Variants in SLC47A2 observed in about 807,000 individuals in gnomAD.
The protein encoded by SLC47A2 is multidrug and toxin extrusion protein 2.
In SLC47A2, 52 loss-of-function variants were observed where a neutral mutation model predicts 67.7. The ratio of observed to expected loss-of-function variants is 0.77; its 90% CI spans 0.61 to 0.97. The LOEUF is 0.97. Ranked by LOEUF, SLC47A2 falls within the 50% of genes least tolerant of loss-of-function variation. The probability of loss-of-function intolerance (pLI) is 0.00; values close to 1 mark genes in which losing one functional copy is unlikely to be tolerated. For missense variants in SLC47A2, 676 were observed against 712.3 expected (o/e 0.95, Z 0.58); for synonymous variants, 278 against 292.9 (o/e 0.95, Z 0.52).
Position 19,704,757 on chromosome 17 carries a change from C to T in SLC47A2, c.910-579G>A, listed in dbSNP as rs570307829. On this transcript the variant is annotated intron_variant, in intron 10 of 16. Coordinates refer to ENST00000433844, the MANE Select transcript of SLC47A2 (RefSeq NM_001099646.3). ...GGAGAGCCCATGGCCCTGCTGGGGA[C>T]GCTGTCACCCAGCTCTGGCCGACTG... The T allele has an allele frequency of 1.3e-4, 181 of 1,433,826 alleles. No homozygotes were observed. The Middle Eastern group carries it at 2.5e-3, about 20-fold the overall frequency. The allele number at this position is 1,433,826 out of a possible 1,614,324, so 88.8% of individuals were successfully genotyped here.
At chr17:19,714,880 C>G in intron 2 of SLC47A2, 91 bp from the exon 3 acceptor site, 1 of 1,565,832 alleles carries the variant, frequency 6.4e-7, no homozygotes, top group Non-Finnish European at 8.8e-7. Flanking sequence ...TCAGGAAATG[C>G]TGCCCAGCAG....
At chr17:19,680,814 T>G (rs1438784606) in intron 15 of SLC47A2, among the ~76,000 whole-genome samples, 1 of 152,192 alleles carries the variant, frequency 6.6e-6, no homozygotes, top group Admixed American at 6.5e-5. Flanking sequence ...CAGATGGGGC[T>G]GTCTAAGGAA....
intron 1 of SLC47A2, chr17:19,716,143 G>A (rs2086259643): frequency 2.4e-6 from 1 of 413,140 alleles, no homozygotes; most frequent in Admixed American, 4.2e-5. Context: ...ATTTGTCCTG[G>A]AGCCATCTTC....
At chr17:19,702,569 C>T (rs780094051) in intron 13 of SLC47A2, 36 bp downstream of exon 13, 2 of 1,611,792 alleles carry the variant, frequency 1.2e-6, no homozygotes, top group South Asian at 1.1e-5. Context: ...AAATCATGTC[C>T]CAGGGAGTCA....
chr17:19,691,122 T>TA (rs376243860), intron 13 of SLC47A2, among the ~76,000 whole-genome samples: 3,476 of 136,482 alleles, frequency 0.025, 66 homozygotes, highest in African/African-American at 0.056. Flanking sequence ...AAACTCCGTC[T>TA]AAAAAAAAAA....
intron 13 of SLC47A2, among the ~76,000 whole-genome samples, chr17:19,683,089 G>A (rs1299553119): frequency 1.7e-4 from 26 of 152,176 alleles, no homozygotes; most frequent in Non-Finnish European, 5.9e-5. Flanking sequence ...AATATGGTAT[G>A]TATATTTCTG....
In SLC47A2 at chr17:19,679,025, G is replaced by A. The variant is rs143744645; in HGVS notation, c.1481-119C>T. 298 of 767,448 alleles carry A rather than the reference G, an allele frequency of 3.9e-4. 1 individual carries two copies. In the African/African-American group the frequency reaches 4.5e-3, roughly 12 times the overall value. The allele number at this position is 767,448 out of a possible 1,614,324, so 47.5% of individuals were successfully genotyped here. ...GTGTTTGTTACACCTCACAAGGGAC[G>A]ATGCCTATACAGTAGAAAAATAACT... On this transcript the variant is annotated intron_variant, in intron 16 of 16. Coordinates refer to ENST00000433844, the MANE Select transcript of SLC47A2 (RefSeq NM_001099646.3).
At chr17:19,702,547 G>A (rs945488860) in intron 13 of SLC47A2, 58 bp downstream of exon 13, 1 of 1,603,530 alleles carries the variant, frequency 6.2e-7, no homozygotes, top group South Asian at 1.1e-5. Flanking sequence ...CCTGGGGAGG[G>A]CACAAGTACA....
rs776482989 is a variant in SLC47A2, at chr17:19,681,589, C to T, written c.1246G>A (p.Gly416Ser). 8 of 1,613,994 alleles carry T rather than the reference C, an allele frequency of 5.0e-6. No homozygotes were observed. The highest frequency in any genetic ancestry group is 5.9e-6 in the Non-Finnish European group (7 of 1,180,038). ...AVNAITYYII[G>S]LPLGILLTFV... Reference sequence around the variant, plus strand: ...GTCAGAAGGATGCCCAGTGGTAGGCCGATGATGTAATATGTGATGGCATTC... The same window carrying T: ...GTCAGAAGGATGCCCAGTGGTAGGCTGATGATGTAATATGTGATGGCATTC... Residue 416 changes from glycine (G) to serine (S), a missense_variant, in exon 14 of 17, where the codon GGC becomes AGC. By Grantham distance (56) the Gly-to-Ser change is moderately conservative. Coordinates refer to ENST00000433844, the MANE Select transcript of SLC47A2 (RefSeq NM_001099646.3).
chr17:19,713,800 C>A, intron 4 of SLC47A2, 25 bp downstream of exon 4: 1 of 1,595,618 alleles, frequency 6.3e-7, no homozygotes, highest in Non-Finnish European at 8.6e-7. Context: ...GCAAGCCCCA[C>A]CTCCCCAGCC....
At chr17:19,703,294 G>T in intron 11 of SLC47A2, 127 bp from the exon 12 acceptor site, 1 of 769,420 alleles carries the variant, frequency 1.3e-6, no homozygotes, top group Non-Finnish European at 2.2e-6. Flanking sequence ...GGTGCCTTTT[G>T]TCACAGGCCT....
At chr17:19,704,306 G>A in intron 10 of SLC47A2, 128 bp from the exon 11 acceptor site, 2 of 721,580 alleles carry the variant, frequency 2.8e-6, no homozygotes, top group Non-Finnish European at 2.2e-6. Flanking sequence ...AGTGTAAGAG[G>A]CACGTCACAT....
At chr17:19,682,533 C>G (rs977218980) in intron 13 of SLC47A2, among the ~76,000 whole-genome samples, 3 of 152,212 alleles carry the variant, frequency 2.0e-5, no homozygotes, top group African/African-American at 7.2e-5. Context: ...CCCCACATCA[C>G]TCTAACCTCT....
chr17:19,709,020 A>G (rs2086025537), intron 5 of SLC47A2, among the ~76,000 whole-genome samples: 1 of 152,196 alleles, frequency 6.6e-6, no homozygotes, highest in African/African-American at 2.4e-5. Flanking sequence ...GCTCAGAGAG[A>G]GTACTCTTTG....
intron 15 of SLC47A2, among the ~76,000 whole-genome samples, chr17:19,680,989 G>A (rs1183261986): frequency 1.3e-5 from 2 of 152,116 alleles, no homozygotes; most frequent in African/African-American, 4.8e-5. Context: ...CAAGGTGGGC[G>A]GATCACGAGG....
At chr17:19,697,228 G>T (rs1469533837) in intron 13 of SLC47A2, among the ~76,000 whole-genome samples, 1 of 152,196 alleles carries the variant, frequency 6.6e-6, no homozygotes, top group Non-Finnish European at 1.5e-5. Flanking sequence ...AACCCGGGAG[G>T]TGGAGCTTGC....
At chr17:19,688,102 A>C (rs1262012367) in intron 13 of SLC47A2, among the ~76,000 whole-genome samples, 5 of 152,214 alleles carry the variant, frequency 3.3e-5, no homozygotes, top group African/African-American at 7.2e-5. Flanking sequence ...ACTACAGACC[A>C]GTATCCCTGA....
chr17:19,702,848 C>A (rs957315116), intron 12 of SLC47A2, among the ~76,000 whole-genome samples, 174 bp from the exon 13 acceptor site: 9 of 152,196 alleles, frequency 5.9e-5, no homozygotes, highest in African/African-American at 2.2e-4. Context: ...GTGGGTCACA[C>A]CTAAAACTTC....
rs754240711 is a variant in SLC47A2, at chr17:19,679,980, A to G, written c.1452T>C (p.Pro484=). ...QQRAESTATR[P]GPEKAVLSSV... ...AAGATAGGACTGCTTTCTCAGGCCCAGGTCTGGTTGCAGTGCTCTCTGCTC... is the reference window on the plus strand; with the variant it reads ...AAGATAGGACTGCTTTCTCAGGCCCGGGTCTGGTTGCAGTGCTCTCTGCTC... Residue 484 remains proline, a synonymous_variant, in exon 16 of 17, where the codon CCT becomes CCC. Transcript: ENST00000433844. 6.2e-7 allele frequency: 1 copy of G among 1,614,012 alleles called. No individual in the cohort carries two copies. Among genetic ancestry groups the G allele is most frequent in the Non-Finnish European group, 8.5e-7 (1 of 1,179,978 alleles).
Sources: allele counts gnomAD v4.1 joint callset (sites outside exome capture counted in the v4.1 genomes callset), GRCh38; gene constraint gnomAD v4.1.1; transcripts MANE v1.5; gene names NCBI Gene and HGNC (gene_info 2026-07-23, HGNC 2026-07-21).